PPP5C: variants seen among roughly 807,000 people sequenced by gnomAD.
PPP5C encodes protein phosphatase 5 catalytic subunit, also known as serine/threonine-protein phosphatase 5.
In PPP5C, 21 loss-of-function variants were observed where a neutral mutation model predicts 66.7. The observed-to-expected ratio is 0.31, with a 90% CI of 0.22 to 0.45. The LOEUF is 0.45. Ranked by LOEUF, PPP5C falls within the 20% of genes least tolerant of loss-of-function variation. The pLI is 1.00. For missense variants in PPP5C, 464 were observed against 675.9 expected (o/e 0.69, Z 3.48); for synonymous variants, 246 against 257.4 (o/e 0.96, Z 0.43).
At chr19:46,370,297 G>GA (rs1405907605) in intron 2 of PPP5C, among the ~76,000 whole-genome samples, 1 of 151,906 alleles carries the variant, frequency 6.6e-6, no homozygotes, top group East Asian at 1.9e-4. Context: ...TTTTTCTGTT[G>GA]AAAAAATATT....
intron 1 of PPP5C, among the ~76,000 whole-genome samples, chr19:46,349,506 C>T (rs549424015): frequency 3.3e-5 from 5 of 152,040 alleles, no homozygotes; most frequent in South Asian, 2.1e-4. Flanking sequence ...TGGAGAAGCT[C>T]GATCCGGTGG....
intron 2 of PPP5C, among the ~76,000 whole-genome samples, chr19:46,369,666 G>T (rs906931689): frequency 1.4e-5 from 2 of 139,426 alleles, no homozygotes; most frequent in African/African-American, 5.4e-5. Flanking sequence ...GGTGGCTCAC[G>T]CCTGTAATCC....
intron 2 of PPP5C, among the ~76,000 whole-genome samples, chr19:46,364,099 T>A (rs1019482960): frequency 1.3e-5 from 2 of 152,176 alleles, no homozygotes; most frequent in African/African-American, 4.8e-5. Flanking sequence ...TACATTATCC[T>A]TGGCAAAAAT....
chr19:46,375,037 C>G (rs578227114), intron 2 of PPP5C, among the ~76,000 whole-genome samples: 1 of 152,306 alleles, frequency 6.6e-6, no homozygotes, highest in East Asian at 1.9e-4. Context: ...TGCTGCTGCC[C>G]ACCTGCCCCT....
At chr19:46,350,572 T>TA (rs1972166269) in intron 1 of PPP5C, among the ~76,000 whole-genome samples, 2 of 152,134 alleles carry the variant, frequency 1.3e-5, no homozygotes, top group Non-Finnish European at 2.9e-5. Flanking sequence ...TGTCAGGCAG[T>TA]AGCAGGCACA....
chr19:46,366,187 C>A (rs924662827), intron 2 of PPP5C, among the ~76,000 whole-genome samples: 3 of 152,042 alleles, frequency 2.0e-5, no homozygotes, highest in Admixed American at 6.6e-5. Flanking sequence ...TAGCTCTGAA[C>A]CCTGCTCACA....
rs530897766 is a variant in PPP5C, at chr19:46,360,403, C to T, written c.363+6414C>T. ...ATAAGCCTAATATGTCTCTCTTGGTCTTCCGGGGTCCCTGACATCCAGAAG... is the reference window on the plus strand; with the variant it reads ...ATAAGCCTAATATGTCTCTCTTGGTTTTCCGGGGTCCCTGACATCCAGAAG... On this transcript the variant is annotated intron_variant, in intron 2 of 12. Transcript: ENST00000012443. 2.6e-5 allele frequency among the ~76,000 whole-genome samples: 4 copies of T among 152,218 alleles called. No homozygotes were observed. The South Asian group carries it at 8.3e-4, about 32-fold the overall frequency.
At chr19:46,390,010 C>A in intron 11 of PPP5C, 41 bp from the exon 12 acceptor site, 1 of 1,595,296 alleles carries the variant, frequency 6.3e-7, no homozygotes, top group Non-Finnish European at 8.6e-7. Context: ...CAGCCCCACC[C>A]AGCCCTGACC....
chr19:46,386,118 T>C (rs1050388233), intron 7 of PPP5C, among the ~76,000 whole-genome samples: 1 of 151,610 alleles, frequency 6.6e-6, no homozygotes, highest in African/African-American at 2.4e-5. Flanking sequence ...TAGAGCAGGG[T>C]GTGGCCAGGA....
Position 46,353,834 on chromosome 19 carries a change from C to A in PPP5C, c.208C>A (p.Leu70Met). 1 of 1,612,620 alleles carries A rather than the reference C, an allele frequency of 6.2e-7. No individual in the cohort carries two copies. The highest frequency in any genetic ancestry group is 8.5e-7 in the Non-Finnish European group (1 of 1,179,474). The change falls in exon 2 of 13, where the codon CTG (leucine) becomes ATG (methionine). Residue 70 changes from leucine (L) to methionine (M), a missense_variant. Physicochemically the swap from Leu to Met is conservative, Grantham distance 15. Around this residue, in one of 2 missense-constraint regions of PPP5C, gnomAD observed 387 missense variants for 626.0 expected, o/e 0.62. Coordinates refer to ENST00000012443, the MANE Select transcript of PPP5C (RefSeq NM_006247.4). Reference protein sequence around the residue: ...SNAIYYGNRSLAYLRTECYGY... With the variant: ...SNAIYYGNRSMAYLRTECYGY... ...TGCCATCTACTATGGCAACCGCAGC[C>A]TGGCCTACCTGCGCACTGAGTGCTA...
At chr19:46,373,091 G>A (rs1472439739) in intron 2 of PPP5C, among the ~76,000 whole-genome samples, 1 of 152,234 alleles carries the variant, frequency 6.6e-6, no homozygotes, top group African/African-American at 2.4e-5. Context: ...CTTGAGATGT[G>A]AGGCCGCCTG....
At chr19:46,347,276 C>A in intron 1 of PPP5C, 59 bp downstream of exon 1, 2 of 1,525,002 alleles carry the variant, frequency 1.3e-6, no homozygotes, top group South Asian at 1.3e-5. Flanking sequence ...GCCGGGCCCG[C>A]GCGGAACCAT....
intron 4 of PPP5C, among the ~76,000 whole-genome samples, chr19:46,377,825 C>T (rs1972723352): frequency 6.6e-6 from 1 of 152,224 alleles, no homozygotes; most frequent in Non-Finnish European, 1.5e-5. Context: ...TTGTGTATAT[C>T]GGTAGCTCAA....
chr19:46,376,379 C>G lies in PPP5C; in HGVS notation c.512-74C>G. The G allele has an allele frequency of 6.4e-7, 1 of 1,570,142 alleles. No individual in the cohort carries two copies. The highest frequency in any genetic ancestry group is 2.3e-5 in the East Asian group (1 of 44,408). On this transcript the variant is annotated intron_variant, in intron 3 of 12. Coordinates refer to ENST00000012443, the MANE Select transcript of PPP5C (RefSeq NM_006247.4). This position sits in a 1 kb window ranked among gnomAD's most constrained non-coding sequence, Gnocchi z 5.1. ...GTCCACACCCAAGTTTTCCCCATCC[C>G]TGGGAGCGAGACCCCCTTCTCCCTC...
At chr19:46,382,894 T>C (rs541342768) in intron 4 of PPP5C, 1 of 1,070,972 alleles carries the variant, frequency 9.3e-7, no homozygotes, top group African/African-American at 1.7e-5. Flanking sequence ...TCATCTGCAT[T>C]TCTAGACATC....
At chr19:46,371,733 C>T (rs1568571189) in intron 2 of PPP5C, among the ~76,000 whole-genome samples, 1 of 152,216 alleles carries the variant, frequency 6.6e-6, no homozygotes, top group Non-Finnish European at 1.5e-5. Context: ...AGGGTAAAAA[C>T]CCTTATGTCA....
chr19:46,368,526 T>A (rs1376320124), intron 2 of PPP5C, among the ~76,000 whole-genome samples: 1 of 152,240 alleles, frequency 6.6e-6, no homozygotes, highest in Non-Finnish European at 1.5e-5. Context: ...TTTAAAAAAT[T>A]AATGAAATTT....
At chr19:46,370,150 C>T (rs1972562955) in intron 2 of PPP5C, among the ~76,000 whole-genome samples, 1 of 152,022 alleles carries the variant, frequency 6.6e-6, no homozygotes, top group Non-Finnish European at 1.5e-5. Context: ...AATAAATTAA[C>T]CTTAGCTTAC....
Position 46,390,883 on chromosome 19 carries a change from C to G in PPP5C, c.*537C>G, listed in dbSNP as rs889919978. The G allele has an allele frequency of 4.4e-6, 5 of 1,145,818 alleles. No individual in the cohort carries two copies. The African/African-American group carries it at 8.1e-5, about 19-fold the overall frequency. The allele number at this position is 1,145,818 out of a possible 1,614,324, so 71.0% of individuals were successfully genotyped here. A position where few individuals can be genotyped will look rare whatever the true frequency, so the allele number is the denominator to read the frequency against. On this transcript the variant is annotated 3_prime_UTR_variant, in exon 13 of 13. Transcript: ENST00000012443. The stretch of plus-strand genomic sequence containing the variant: ...TCTCTGGATGGTGGAGCCGAAGGAG[C>G]TGCCCGGGTTGGGTTACGCCTGCTC...
Sources: allele counts gnomAD v4.1 joint callset (sites outside exome capture counted in the v4.1 genomes callset), GRCh38; gene constraint gnomAD v4.1.1; regional missense constraint gnomAD v4.1.1; non-coding constraint Gnocchi (gnomAD v3.1); transcripts MANE v1.5; gene names NCBI Gene and HGNC (gene_info 2026-07-23, HGNC 2026-07-21).